DIP2B: variants seen among roughly 807,000 people sequenced by gnomAD.
DIP2B encodes the protein disco-interacting protein 2 homolog B.
A neutral mutation model predicts 198.0 loss-of-function variants in DIP2B; 76 were observed. The observed-to-expected ratio is 0.38, with a 90% CI of 0.32 to 0.46. The LOEUF is 0.46. Ranked by LOEUF, DIP2B falls within the 20% of genes least tolerant of loss-of-function variation. The pLI is 0.99. For synonymous variants in DIP2B, 701 were observed against 739.1 expected (o/e 0.95, Z 0.84); for missense variants, 1,559 against 1,978.4 (o/e 0.79, Z 4.02).
intron 1 of DIP2B, among the ~76,000 whole-genome samples, chr12:50,576,361 C>A (rs1287332068): frequency 1.2e-5 from 1 of 86,756 alleles, no homozygotes. Context: ...GCCACTGCAC[C>A]CAGCATTTTT....
chr12:50,582,146 T>G (rs74898758), intron 1 of DIP2B, among the ~76,000 whole-genome samples: 42 of 16,854 alleles, frequency 2.5e-3, no homozygotes, highest in South Asian at 0.011. Context: ...TTTTTTTCTG[T>G]TTTTTTTTTT....
Position 50,708,556 on chromosome 12 carries a change from G to C in DIP2B, c.2643G>C (p.Val881=), listed in dbSNP as rs147209367. The change falls in exon 22 of 38, where the codon GTG becomes GTC. Residue 881 remains valine (V), a synonymous_variant. Transcript: ENST00000301180. ...EEDSFQWMSR[V]LQAIDSIHQV... is the part of the protein sequence containing the mutation. ...ATAGTTTCCAGTGGATGAGCCGCGTGCTGCAGGTGAGCACACTTTGGGGTC... is the reference window on the plus strand; with the variant it reads ...ATAGTTTCCAGTGGATGAGCCGCGTCCTGCAGGTGAGCACACTTTGGGGTC... 1.6e-5 allele frequency: 26 copies of C among 1,587,414 alleles called. No individual in the cohort carries two copies. Among genetic ancestry groups the C allele is most frequent in the Non-Finnish European group, 5.1e-6 (6 of 1,165,466 alleles).
At chr12:50,614,786 T>C (rs1304930389) in intron 1 of DIP2B, among the ~76,000 whole-genome samples, 1 of 152,226 alleles carries the variant, frequency 6.6e-6, no homozygotes, top group African/African-American at 2.4e-5. Context: ...TACTGCCTCA[T>C]TGGAAAAACC....
intron 2 of DIP2B, among the ~76,000 whole-genome samples, chr12:50,639,952 C>G (rs1271710934): frequency 6.6e-6 from 1 of 152,162 alleles, no homozygotes; most frequent in Non-Finnish European, 1.5e-5. Flanking sequence ...TGAGGCATTG[C>G]TGTTCTGCAG....
At chr12:50,638,512 G>T (rs1413137798) in intron 2 of DIP2B, among the ~76,000 whole-genome samples, 1 of 152,102 alleles carries the variant, frequency 6.6e-6, no homozygotes, top group Non-Finnish European at 1.5e-5. Flanking sequence ...TTTTTCATTT[G>T]TAATGGCATA....
chr12:50,744,322 T>C (rs1940309519), intron 37 of DIP2B, among the ~76,000 whole-genome samples: 1 of 152,056 alleles, frequency 6.6e-6, no homozygotes, highest in Non-Finnish European at 1.5e-5. Flanking sequence ...AAATTCCACT[T>C]TCAAACTCCC....
At chr12:50,641,024 G>A (rs1254480652) in intron 3 of DIP2B, among the ~76,000 whole-genome samples, 172 bp downstream of exon 3, 3 of 152,042 alleles carry the variant, frequency 2.0e-5, no homozygotes, top group South Asian at 2.1e-4. Flanking sequence ...ATCAGGTATA[G>A]TAGGTACTCA....
chr12:50,507,413 G>C (rs996405874), intron 1 of DIP2B, among the ~76,000 whole-genome samples: 5 of 152,182 alleles, frequency 3.3e-5, no homozygotes, highest in African/African-American at 1.2e-4. Flanking sequence ...TAATCCAAAA[G>C]TCCCCATATC....
At chr12:50,617,026 T>G (rs977600131) in intron 1 of DIP2B, among the ~76,000 whole-genome samples, 3 of 152,200 alleles carry the variant, frequency 2.0e-5, no homozygotes, top group Admixed American at 6.5e-5. Flanking sequence ...ATAGCCAACA[T>G]GAACCACCTT....
intron 1 of DIP2B, among the ~76,000 whole-genome samples, chr12:50,515,472 G>A (rs918559896): frequency 2.0e-5 from 3 of 151,798 alleles, no homozygotes; most frequent in Non-Finnish European, 4.4e-5. Context: ...CTCGTGATCC[G>A]CCTGCCTTGG....
At chr12:50,528,691 A>G (rs965946590) in intron 1 of DIP2B, among the ~76,000 whole-genome samples, 1 of 152,192 alleles carries the variant, frequency 6.6e-6, no homozygotes, top group Non-Finnish European at 1.5e-5. Context: ...TGAACAGAGA[A>G]GAGTATTTCT....
Position 50,675,326 on chromosome 12 carries a change from T to G in DIP2B, c.797-3T>G. 1 of 1,611,628 alleles carries G rather than the reference T, an allele frequency of 6.2e-7. No individual in the cohort carries two copies. Among genetic ancestry groups the G allele is most frequent in the Non-Finnish European group, 8.5e-7 (1 of 1,178,474 alleles). Reference sequence around the variant, plus strand: ...TTTAACTTAACCATTTTTTCCCTTATAGGTGTTCCTGTCAGTAGCAGAGTA... The same window carrying G: ...TTTAACTTAACCATTTTTTCCCTTAGAGGTGTTCCTGTCAGTAGCAGAGTA... On this transcript the variant is annotated splice_region_variant and splice_polypyrimidine_tract_variant and intron_variant, in intron 6 of 37. Coordinates refer to ENST00000301180, the MANE Select transcript of DIP2B (RefSeq NM_173602.3).
chr12:50,663,701 C>T (rs891000761), intron 4 of DIP2B, among the ~76,000 whole-genome samples: 1 of 151,078 alleles, frequency 6.6e-6, no homozygotes, highest in African/African-American at 2.4e-5. Context: ...GAGACCCCAT[C>T]TCTACAAAAA....
At chr12:50,515,002 G>T (rs1439299675) in intron 1 of DIP2B, among the ~76,000 whole-genome samples, 1 of 151,718 alleles carries the variant, frequency 6.6e-6, no homozygotes, top group Admixed American at 6.6e-5. Context: ...CCACAGTGTT[G>T]CATGAGAATA....
At chr12:50,553,588 G>A (rs1416677699) in intron 1 of DIP2B, among the ~76,000 whole-genome samples, 5 of 152,132 alleles carry the variant, frequency 3.3e-5, no homozygotes, top group Non-Finnish European at 2.9e-5. Context: ...TGATTCTGAC[G>A]GCCAATATAA....
intron 1 of DIP2B, among the ~76,000 whole-genome samples, chr12:50,544,449 G>A (rs1958357706): frequency 6.6e-6 from 1 of 152,058 alleles, no homozygotes; most frequent in Non-Finnish European, 1.5e-5. Flanking sequence ...TGGGATTGCA[G>A]GTGCCTGCCA....
At chr12:50,617,356 C>T (rs1287308613) in intron 1 of DIP2B, among the ~76,000 whole-genome samples, 5 of 151,712 alleles carry the variant, frequency 3.3e-5, no homozygotes, top group South Asian at 2.1e-4. Flanking sequence ...GGGGTTTCAC[C>T]GTGTTAGCCA....
chr12:50,524,856 TAG>T (rs1958149387), intron 1 of DIP2B, among the ~76,000 whole-genome samples: 1 of 152,118 alleles, frequency 6.6e-6, no homozygotes, highest in Admixed American at 6.5e-5. Flanking sequence ...GCCTGCTGAG[TAG>T]CTAGGACTCC....
chr12:50,526,042 TC>T (rs1334661084), intron 1 of DIP2B, among the ~76,000 whole-genome samples: 5 of 152,260 alleles, frequency 3.3e-5, no homozygotes, highest in Non-Finnish European at 5.9e-5. Context: ...ATTGGATTCT[TC>T]CTCAGTAAAA....
Sources: gnomAD v4.1 joint callset for allele counts (sites outside exome capture counted in the v4.1 genomes callset) on GRCh38, gnomAD v4.1.1 for gene constraint, MANE v1.5 for transcripts, NCBI Gene and HGNC (gene_info 2026-07-23, HGNC 2026-07-21) for gene names.